The following FOXP2 variants were observed in gnomAD, a reference collection of about 807,000 sequenced individuals.
The protein encoded by FOXP2 is forkhead box P2, also known as forkhead box protein P2.
Under a neutral mutation model 115.8 loss-of-function variants are expected in FOXP2, and 12 were observed. The observed-to-expected ratio is 0.10, with a 90% CI of 0.07 to 0.17. The LOEUF (loss-of-function observed/expected upper bound fraction) is 0.17, where lower values mean the gene tolerates loss of function less well. Ranked by LOEUF, FOXP2 falls within the 10% of genes least tolerant of loss-of-function variation. The pLI is 1.00. For missense variants in FOXP2, 629 were observed against 843.5 expected (o/e 0.75, Z 3.15); for synonymous variants, 328 against 297.7 (o/e 1.10, Z -1.05).
chr7:114,345,821 G>T (rs1358188245), intron 2 of FOXP2, among the ~76,000 whole-genome samples: 1 of 151,696 alleles, frequency 6.6e-6, no homozygotes, highest in Admixed American at 6.6e-5. Flanking sequence ...ATATGGAAGT[G>T]GGACTACTGT....
intron 1 of FOXP2, among the ~76,000 whole-genome samples, chr7:114,163,742 C>T (rs1792899573): frequency 6.6e-6 from 1 of 152,188 alleles, no homozygotes; most frequent in Non-Finnish European, 1.5e-5. Context: ...TAATACTTGT[C>T]TTAGGACAAT....
At chr7:114,129,544 G>A (rs543779130) in intron 1 of FOXP2, among the ~76,000 whole-genome samples, 23 of 152,266 alleles carry the variant, frequency 1.5e-4, no homozygotes, top group African/African-American at 5.1e-4. Flanking sequence ...AAATAAAAAT[G>A]CACTTTTACT....
At position 114,663,882 on chromosome 7, in the gene FOXP2, A is replaced by G. The variant is rs185136826; in HGVS notation, c.1839+363A>G. Among the ~76,000 whole-genome samples, 55 of 152,232 alleles carry G rather than the reference A, an allele frequency of 3.6e-4. 2 individuals are homozygous for G. Among genetic ancestry groups the G allele is most frequent in the Admixed American group, 2.6e-3 (40 of 15,266 alleles). On this transcript the variant is annotated intron_variant, in intron 15 of 16. Coordinates refer to ENST00000350908, the MANE Select transcript of FOXP2 (RefSeq NM_014491.4). Reference sequence around the variant, plus strand: ...GTGGCAAAAACTTTAAAGTTTAATTATAATATATAATTTTTATGCAGAGGA... The same window carrying G: ...GTGGCAAAAACTTTAAAGTTTAATTGTAATATATAATTTTTATGCAGAGGA...
intron 2 of FOXP2, among the ~76,000 whole-genome samples, chr7:114,534,160 T>C (rs1316623269): frequency 1.3e-5 from 2 of 151,942 alleles, no homozygotes; most frequent in African/African-American, 2.4e-5. Context: ...AAATCCTTAT[T>C]AATTCACTTT....
intron 1 of FOXP2, among the ~76,000 whole-genome samples, chr7:114,112,907 T>G (rs182989600): frequency 6.6e-6 from 1 of 152,238 alleles, no homozygotes; most frequent in African/African-American, 2.4e-5. Context: ...TATATTGAGT[T>G]CATTTCATCC....
At chr7:114,520,215 A>G (rs1293305434) in intron 2 of FOXP2, among the ~76,000 whole-genome samples, 1 of 152,144 alleles carries the variant, frequency 6.6e-6, no homozygotes, top group Non-Finnish European at 1.5e-5. Context: ...ATGCTTCAAA[A>G]TATAGTCATC....
intron 11 of FOXP2, among the ~76,000 whole-genome samples, chr7:114,658,566 A>G (rs1038670698): frequency 6.6e-6 from 1 of 152,152 alleles, no homozygotes; most frequent in Non-Finnish European, 1.5e-5. Flanking sequence ...AGGGAAGACT[A>G]GCAATCCAAC....
chr7:114,215,546 G>A (rs936844542), intron 1 of FOXP2, among the ~76,000 whole-genome samples: 3 of 151,932 alleles, frequency 2.0e-5, no homozygotes, highest in Admixed American at 6.6e-5. Context: ...AAATACTACG[G>A]TTTATAGTCT....
chr7:114,652,007 A>G (rs960946308), intron 8 of FOXP2, among the ~76,000 whole-genome samples, 196 bp from the exon 9 acceptor site: 1 of 152,150 alleles, frequency 6.6e-6, no homozygotes, highest in African/African-American at 2.4e-5. Flanking sequence ...TGCCATTTGA[A>G]GAGTCTCTTT....
chr7:114,475,476 G>T (rs1214342924), intron 2 of FOXP2, among the ~76,000 whole-genome samples: 1 of 151,944 alleles, frequency 6.6e-6, no homozygotes, highest in Non-Finnish European at 1.5e-5. Flanking sequence ...GTTATATGGG[G>T]CCCCTTTGCG....
intron 1 of FOXP2, among the ~76,000 whole-genome samples, chr7:114,141,215 A>G (rs1200709741): frequency 2.0e-5 from 3 of 152,208 alleles, no homozygotes. Flanking sequence ...AATGCCAGGG[A>G]TTACATGATT....
At chr7:114,400,203 G>A (rs1792853941) in intron 2 of FOXP2, among the ~76,000 whole-genome samples, 1 of 151,942 alleles carries the variant, frequency 6.6e-6, no homozygotes, top group Non-Finnish European at 1.5e-5. Flanking sequence ...TGTTGTTGTT[G>A]TTGTTGTTGT....
At chr7:114,659,715 C>T (rs776308363) in intron 13 of FOXP2, 42 bp downstream of exon 13, 1 of 1,435,984 alleles carries the variant, frequency 7.0e-7, no homozygotes, top group Non-Finnish European at 9.8e-7. Context: ...TACCACAGTT[C>T]CTTACAGATA....
intron 1 of FOXP2, among the ~76,000 whole-genome samples, chr7:114,240,698 C>A (rs753660331): frequency 1.0e-4 from 15 of 148,816 alleles, no homozygotes; most frequent in South Asian, 2.1e-4. Context: ...AAAATATTTT[C>A]AAAAAAAAAC....
chr7:114,411,586 G>A (rs1377628539), upstream of FOXP2, among the ~76,000 whole-genome samples: 2 of 152,038 alleles, frequency 1.3e-5, no homozygotes, highest in East Asian at 1.9e-4. Context: ...GTTTGAAATG[G>A]TGGCTGCAAT....
rs183695171 is a variant in FOXP2 at position 114,506,168 on chromosome 7, T to C, written c.169-28449T>C. 1.7e-3 allele frequency among the ~76,000 whole-genome samples: 254 copies of C among 151,848 alleles called. 1 individual carries two copies. Among genetic ancestry groups the C allele is most frequent in the Non-Finnish European group, 2.7e-3 (185 of 67,692 alleles). ...CAAGAAAACAGTAATGATTATTGTT[T>C]ATTCATACTAAGGAGACATGAACAA... On this transcript the variant is annotated intron_variant, in intron 2 of 16. Transcript: ENST00000350908.
At chr7:114,351,288 T>C (rs1562882594) in intron 2 of FOXP2, among the ~76,000 whole-genome samples, 2 of 152,182 alleles carry the variant, frequency 1.3e-5, no homozygotes, top group Admixed American at 6.5e-5. Context: ...ATTTTCAAGA[T>C]ACATATAGAA....
At chr7:114,266,144 CA>C (rs926092930) in intron 1 of FOXP2, among the ~76,000 whole-genome samples, 1 of 152,038 alleles carries the variant, frequency 6.6e-6, no homozygotes, top group African/African-American at 2.4e-5. Context: ...ATTTTGGTCA[CA>C]ACCATTTAAC....
At chr7:114,206,314 G>T (rs1794201261) in intron 1 of FOXP2, among the ~76,000 whole-genome samples, 1 of 152,000 alleles carries the variant, frequency 6.6e-6, no homozygotes, top group Admixed American at 6.6e-5. Context: ...TCTTATCTAT[G>T]TCTGCAACAT....
Sources: gnomAD v4.1 joint callset for allele counts (sites outside exome capture counted in the v4.1 genomes callset) on GRCh38, gnomAD v4.1.1 for gene constraint, MANE v1.5 for transcripts, NCBI Gene and HGNC (gene_info 2026-07-23, HGNC 2026-07-21) for gene names.